Variants in RHPN1 observed in about 807,000 individuals in gnomAD.
The protein encoded by RHPN1 is rhophilin-1.
RHPN1 carries 77 observed loss-of-function variants against 74.7 expected under a neutral mutation model. That is an observed-to-expected ratio of 1.03 (90% CI 0.86 to 1.25). The LOEUF (loss-of-function observed/expected upper bound fraction) is 1.25. Ranked by LOEUF, RHPN1 falls within the 50% of genes most tolerant of loss-of-function variation. The probability of loss-of-function intolerance (pLI) is 0.00; values close to 1 mark genes in which losing one functional copy is unlikely to be tolerated. For missense variants in RHPN1, 987 were observed against 932.2 expected, an observed-to-expected ratio of 1.06 and a Z score of -0.77; for synonymous variants, 444 against 414.5, an observed-to-expected ratio of 1.07 and a Z score of -0.87.
Position 143,377,153 on chromosome 8 carries a change from TGC to T in RHPN1, c.306-220_306-219del, listed in dbSNP as rs1277456932. 1.7e-4 allele frequency among the ~76,000 whole-genome samples: 26 copies of T among 152,174 alleles called. No homozygotes were observed. In the East Asian group the frequency reaches 3.9e-3, roughly 23 times the overall value. On this transcript the variant is annotated intron_variant, in intron 3 of 14. Coordinates refer to ENST00000289013, the MANE Select transcript of RHPN1 (RefSeq NM_052924.3). The stretch of plus-strand genomic sequence containing the variant: ...GCACGCATGTGTTTGTGTGTGTGTG[TGC>T]GCGCGCATGTGTGTGTCTCTGTGTG...
intron 3 of RHPN1, 127 bp downstream of exon 3, chr8:143,376,780 G>GTGCGTGTGTGTGCGTGTT: frequency 9.4e-7 from 1 of 1,067,636 alleles, no homozygotes. Flanking sequence ...GTGTGCGTGT[G>GTGCGTGTGTGTGCGTGTT]TGCATGTGTG....
upstream of RHPN1, among the ~76,000 whole-genome samples, chr8:143,364,786 GT>G (rs1456994644): frequency 6.6e-6 from 1 of 152,082 alleles, no homozygotes; most frequent in Non-Finnish European, 1.5e-5. This position sits in a 1 kb window ranked among gnomAD's most constrained non-coding sequence, Gnocchi z 4.5. Flanking sequence ...ACATAACACT[GT>G]TGATTGTATT....
intron 7 of RHPN1, 22 bp from the exon 8 acceptor site, chr8:143,379,293 G>A (rs1340145647): frequency 6.4e-7 from 1 of 1,558,860 alleles, no homozygotes; most frequent in South Asian, 1.2e-5. Context: ...CCCTGCCTGT[G>A]TGAGCACCCC....
upstream of RHPN1, among the ~76,000 whole-genome samples, chr8:143,365,422 G>C (rs1381525079): frequency 6.6e-6 from 1 of 152,230 alleles, no homozygotes; most frequent in Non-Finnish European, 1.5e-5. Context: ...CCTCCTGGCT[G>C]CCTCTCTGGT....
In RHPN1 at chr8:143,379,586, G is replaced by T. The variant is rs970397049; in HGVS notation, c.945+78G>T. 8 of 1,471,106 alleles carry T rather than the reference G, an allele frequency of 5.4e-6. No homozygotes were observed. In the African/African-American group the frequency reaches 1.1e-4, roughly 21 times the overall value. 91.1% of individuals were successfully genotyped at this position (1,471,106 alleles called of 1,614,324 possible). On this transcript the variant is annotated intron_variant, in intron 8 of 14. Coordinates refer to ENST00000289013, the MANE Select transcript of RHPN1 (RefSeq NM_052924.3). ...AGAGCCCAGGTCCAGGCATGCGTGA[G>T]CTCTCCCACCTCCTTCCTTGTGTGT...
Position 143,382,468 on chromosome 8 carries a change from G to A in RHPN1, c.1830G>A (p.Arg610=), listed in dbSNP as rs1442523485. ...GDRRPVLLGP[R]GLLRSQREHG... ...GCCGGCCCGTCCTGCTGGGCCCCAGGGGGCTTCTAAGGAGCCAGAGGGAGC... is the reference window on the plus strand; with the variant it reads ...GCCGGCCCGTCCTGCTGGGCCCCAGAGGGCTTCTAAGGAGCCAGAGGGAGC... The change falls in exon 15 of 15, where the codon AGG becomes AGA. Residue 610 remains arginine, a synonymous_variant. Coordinates refer to ENST00000289013, the MANE Select transcript of RHPN1 (RefSeq NM_052924.3). 6.9e-6 allele frequency: 11 copies of A among 1,590,098 alleles called. No homozygotes were observed. The highest frequency in any genetic ancestry group is 9.4e-6 in the Non-Finnish European group (11 of 1,169,612).
rs1817646396 is a variant in RHPN1 at position 143,368,908 on chromosome 8, G to T, written c.-80G>T. 1 of 1,112,064 alleles carries T rather than the reference G, an allele frequency of 9.0e-7. No homozygotes were observed. The highest frequency in any genetic ancestry group is 1.2e-6 in the Non-Finnish European group (1 of 854,118). 68.9% of individuals were successfully genotyped at this position (1,112,064 alleles called of 1,614,324 possible). ...AGCCCGCGGCCCAGGTGGTGCGGGC[G>T]GCCCTAGCCCGGCTGCGGAGCGCTG... On this transcript the variant is annotated 5_prime_UTR_variant, in exon 1 of 15. Transcript: ENST00000289013.
intron 14 of RHPN1, 95 bp downstream of exon 14, chr8:143,382,063 G>A: frequency 1.1e-5 from 14 of 1,277,106 alleles, no homozygotes; most frequent in Non-Finnish European, 1.4e-5. Flanking sequence ...ATTGGGAAGG[G>A]GAGGTGGGGC....
Position 143,382,667 on chromosome 8 carries a change from C to T in RHPN1, c.*16C>T. The T allele has an allele frequency of 1.3e-6, 2 of 1,597,348 alleles. No homozygotes were observed. The highest frequency in any genetic ancestry group is 2.2e-5 in the South Asian group (2 of 90,248). Reference sequence around the variant, plus strand: ...GTGGCCGTGAGGGCCAGGATCCCTGCACGCCTCAGCCCTGGCTCCAGCTGG... The same window carrying T: ...GTGGCCGTGAGGGCCAGGATCCCTGTACGCCTCAGCCCTGGCTCCAGCTGG... On this transcript the variant is annotated 3_prime_UTR_variant, in exon 15 of 15. Transcript: ENST00000289013.
At position 143,380,351 on chromosome 8, in the gene RHPN1, C is replaced by T. The variant is rs1051261180; in HGVS notation, c.1216+176C>T. On this transcript the variant is annotated intron_variant, in intron 10 of 14. Coordinates refer to ENST00000289013, the MANE Select transcript of RHPN1 (RefSeq NM_052924.3). ...GGGTGACGGCCCAGCGCAGGGGCCC[C>T]AGGAGTGCTGGGCAGCCTCTGAGCA... The T allele has an allele frequency of 6.0e-5, 40 of 671,912 alleles. 6 individuals are homozygous for T. In the Admixed American group the frequency reaches 7.5e-4, roughly 13 times the overall value. The allele number at this position is 671,912 out of a possible 1,614,324, so 41.6% of individuals were successfully genotyped here. A position where few individuals can be genotyped will look rare whatever the true frequency, so the allele number is the denominator to read the frequency against.
Position 143,375,723 on chromosome 8 carries a change from G to A in RHPN1, c.176+55G>A, listed in dbSNP as rs901414970. 5.5e-5 allele frequency: 75 copies of A among 1,357,764 alleles called. No homozygotes were observed. In the East Asian group the frequency reaches 1.4e-3, roughly 26 times the overall value. 84.1% of individuals were successfully genotyped at this position (1,357,764 alleles called of 1,614,324 possible). ...AGCAGGGCCCACCTGGGTGAGGGGG[G>A]CAGGACAGCCACGCAGGCAGATGTC... On this transcript the variant is annotated intron_variant, in intron 2 of 14. Coordinates refer to ENST00000289013, the MANE Select transcript of RHPN1 (RefSeq NM_052924.3).
chr8:143,379,324 G>T lies in RHPN1; in HGVS notation c.761G>T (p.Ser254Ile). Residue 254 changes from serine to isoleucine, a missense_variant, in exon 8 of 15, where the codon AGC becomes ATC. By Grantham distance (142) the Ser-to-Ile change is moderately radical (BLOSUM62 -2). Transcript: ENST00000289013. The stretch of plus-strand genomic sequence containing the variant: ...ACCCCTCCCTCCGCAGGGGCCTTCA[G>T]CCTCCTGAGGGAGAACTTCTCCCAT... ...EAFQRAAGAF[S>I]LLRENFSHAP... 1 of 1,590,960 alleles carries T rather than the reference G, an allele frequency of 6.3e-7. No homozygotes were observed. Among genetic ancestry groups the T allele is most frequent in the African/African-American group, 1.3e-5 (1 of 74,526 alleles).
At chr8:143,372,216 G>C (rs577572259) in intron 1 of RHPN1, among the ~76,000 whole-genome samples, 1 of 152,128 alleles carries the variant, frequency 6.6e-6, no homozygotes, top group African/African-American at 2.4e-5. Context: ...TTGCGGGGAG[G>C]GGGTGTAGCT....
intron 5 of RHPN1, 101 bp downstream of exon 5, chr8:143,378,447 A>C: frequency 9.1e-7 from 1 of 1,093,874 alleles, no homozygotes; most frequent in East Asian, 2.6e-5. Context: ...CAGCGTAGAC[A>C]TCTCGAGGAC....
intron 4 of RHPN1, among the ~76,000 whole-genome samples, chr8:143,377,819 A>G (rs1265271552): frequency 6.6e-6 from 1 of 152,186 alleles, no homozygotes; most frequent in African/African-American, 2.4e-5. Context: ...CCACACACCC[A>G]GCACTGGCTC....
At chr8:143,369,162 C>T in intron 1 of RHPN1, 115 bp downstream of exon 1, 1 of 770,636 alleles carries the variant, frequency 1.3e-6, no homozygotes, top group Non-Finnish European at 1.9e-6. Flanking sequence ...GGCCCGGACG[C>T]AGGCAGGGAA....
At chr8:143,380,476 C>A in intron 10 of RHPN1, 113 bp from the exon 11 acceptor site, 1 of 1,046,152 alleles carries the variant, frequency 9.6e-7, no homozygotes, top group Non-Finnish European at 1.3e-6. Flanking sequence ...CGCGCACCCC[C>A]AACGAAAGTG....
chr8:143,378,554 C>T (rs1370355639), intron 5 of RHPN1, 142 bp from the exon 6 acceptor site: 7 of 1,233,758 alleles, frequency 5.7e-6, no homozygotes, highest in Non-Finnish European at 7.8e-6. Flanking sequence ...TGCTGCTGGC[C>T]TTCGGGAGTC....
Position 143,375,672 on chromosome 8 carries a change from A to G in RHPN1, c.176+4A>G, listed in dbSNP as rs1179546486. ...CGGGCGCTGAGAACCTCTACAGGTC[A>G]GTGCTTGAGACTGCCCGGCCCCGGG... On this transcript the variant is annotated splice_donor_region_variant and intron_variant, in intron 2 of 14. Coordinates refer to ENST00000289013, the MANE Select transcript of RHPN1 (RefSeq NM_052924.3). The G allele has an allele frequency of 4.4e-6, 7 of 1,598,734 alleles. No individual in the cohort carries two copies. Among genetic ancestry groups the G allele is most frequent in the Admixed American group, 1.8e-5 (1 of 56,770 alleles).
Sources: allele counts gnomAD v4.1 joint callset (sites outside exome capture counted in the v4.1 genomes callset), GRCh38; gene constraint gnomAD v4.1.1; non-coding constraint Gnocchi (gnomAD v3.1); transcripts MANE v1.5; gene names NCBI Gene and HGNC (gene_info 2026-07-23, HGNC 2026-07-21).